The following PTPRD variants were observed in gnomAD, a reference collection of about 807,000 sequenced individuals.
PTPRD encodes the protein protein tyrosine phosphatase receptor type D.
Under a neutral mutation model 214.5 loss-of-function variants are expected in PTPRD, and 34 were observed. The ratio of observed to expected loss-of-function variants is 0.16; its 90% CI spans 0.12 to 0.21. The LOEUF (loss-of-function observed/expected upper bound fraction) is 0.21, where lower values mean the gene tolerates loss of function less well. PTPRD is among the 10% of genes least tolerant of loss of function. The pLI is 1.00. For missense variants in PTPRD, 2,545 were observed against 2,398.7 expected, an observed-to-expected ratio of 1.06 and a Z score of -1.27; for synonymous variants, 1,128 against 845.7, an observed-to-expected ratio of 1.33 and a Z score of -5.79.
intron 10 of PTPRD, among the ~76,000 whole-genome samples, chr9:9,022,945 T>C (rs985979240): frequency 2.0e-5 from 3 of 152,150 alleles, no homozygotes; most frequent in African/African-American, 7.2e-5. Flanking sequence ...GCATGACTGG[T>C]ATTTTTCAAA....
intron 5 of PTPRD, among the ~76,000 whole-genome samples, chr9:9,886,857 T>G (rs1163126577): frequency 6.6e-6 from 1 of 152,078 alleles, no homozygotes; most frequent in Non-Finnish European, 1.5e-5. Context: ...AGAGACCACA[T>G]GGGAAAGCCT....
At chr9:9,428,667 A>G (rs1448052821) in intron 8 of PTPRD, among the ~76,000 whole-genome samples, 3 of 152,222 alleles carry the variant, frequency 2.0e-5, no homozygotes, top group African/African-American at 7.2e-5. Context: ...AGCACTCCTC[A>G]GAAAATGTAA....
chr9:10,029,513 G>A (rs2097009815), intron 4 of PTPRD, among the ~76,000 whole-genome samples: 1 of 152,208 alleles, frequency 6.6e-6, no homozygotes, highest in Non-Finnish European at 1.5e-5. Flanking sequence ...ACCAGGATGT[G>A]AGACATGGAG....
intron 7 of PTPRD, among the ~76,000 whole-genome samples, chr9:9,647,497 G>T (rs2096224745): frequency 1.3e-5 from 2 of 152,122 alleles, no homozygotes; most frequent in South Asian, 2.1e-4. Flanking sequence ...AAGAATATGT[G>T]TGCTTACTTT....
intron 11 of PTPRD, among the ~76,000 whole-genome samples, chr9:8,863,129 C>G (rs1175025361): frequency 6.6e-6 from 1 of 152,200 alleles, no homozygotes; most frequent in Admixed American, 6.5e-5. Context: ...CATACCTCCT[C>G]CACTGACTGC....
At chr9:9,746,815 GT>G (rs35142513) in intron 6 of PTPRD, among the ~76,000 whole-genome samples, 11,566 of 125,144 alleles carry the variant, frequency 0.092, 400 homozygotes, top group Admixed American at 0.14. Flanking sequence ...TGCTTGAAAA[GT>G]TTTTTTTTTT....
At chr9:8,579,265 A>G (rs2092798018) in intron 14 of PTPRD, among the ~76,000 whole-genome samples, 2 of 152,232 alleles carry the variant, frequency 1.3e-5, no homozygotes, top group African/African-American at 2.4e-5. Context: ...ATAATACAAA[A>G]GCTTCTTTTC....
chr9:9,158,167 T>C (rs1592620319), intron 10 of PTPRD, among the ~76,000 whole-genome samples: 1 of 152,328 alleles, frequency 6.6e-6, no homozygotes, highest in East Asian at 1.9e-4. Context: ...TAAATAGTGC[T>C]GCAGTGAACA....
rs553367039 is a variant in PTPRD, at chr9:9,013,655, G to C, written c.-104+5042C>G. On this transcript the variant is annotated intron_variant, in intron 11 of 45. Transcript: ENST00000381196. The stretch of plus-strand genomic sequence containing the variant: ...GCAGTTAATTAACTATAATGACCAA[G>C]TGTATGGGCATTTCATTGCATACAG... 3.3e-5 allele frequency among the ~76,000 whole-genome samples: 5 copies of C among 152,200 alleles called. No individual in the cohort carries two copies. In the South Asian group the frequency reaches 1.0e-3, roughly 32 times the overall value.
At chr9:10,419,100 G>T (rs1442329164) in intron 2 of PTPRD, among the ~76,000 whole-genome samples, 1 of 151,850 alleles carries the variant, frequency 6.6e-6, no homozygotes, top group South Asian at 2.1e-4. Context: ...TTGGTCCCAC[G>T]TAGGGTCTAT....
At chr9:9,293,143 C>G (rs999750798) in intron 9 of PTPRD, among the ~76,000 whole-genome samples, 6 of 151,494 alleles carry the variant, frequency 4.0e-5, no homozygotes, top group African/African-American at 1.5e-4. Context: ...AGTGAAATAA[C>G]CACATAAATT....
chr9:8,641,630 G>C lies in PTPRD; in HGVS notation c.65-4786C>G, dbSNP rs138674591. ...CAACAGAGACATGGCCGATATTCTA[G>C]AATGTGTCTGCCAGGCTCGCTTGCC... On this transcript the variant is annotated intron_variant, in intron 12 of 45. Coordinates refer to ENST00000381196, the MANE Select transcript of PTPRD (RefSeq NM_002839.4). Among the ~76,000 whole-genome samples, 300 of 133,476 alleles carry C rather than the reference G, an allele frequency of 2.2e-3. 54 individuals are homozygous for C. Among genetic ancestry groups the C allele is most frequent in the African/African-American group, 0.012 (291 of 24,662 alleles). 87.6% of individuals were successfully genotyped at this position (133,476 alleles called of 152,430 possible). A position where few individuals can be genotyped will look rare whatever the true frequency, so the allele number is the denominator to read the frequency against.
intron 9 of PTPRD, among the ~76,000 whole-genome samples, chr9:9,229,096 C>T (rs935675689): frequency 2.6e-5 from 4 of 152,104 alleles, no homozygotes; most frequent in Non-Finnish European, 5.9e-5. Flanking sequence ...TTCCCTGTAA[C>T]ATTCATATCT....
chr9:8,891,747 A>G (rs1187058745), intron 11 of PTPRD, among the ~76,000 whole-genome samples: 1 of 152,194 alleles, frequency 6.6e-6, no homozygotes, highest in Non-Finnish European at 1.5e-5. Flanking sequence ...GAGTAAATGC[A>G]TTGAAAACAT....
At chr9:9,931,808 T>A (rs559212085) in intron 5 of PTPRD, among the ~76,000 whole-genome samples, 9 of 151,044 alleles carry the variant, frequency 6.0e-5, no homozygotes, top group African/African-American at 1.7e-4. Flanking sequence ...CAGTAACCTC[T>A]GCAGACTTAA....
At chr9:8,544,749 G>A (rs1366699269) in intron 14 of PTPRD, among the ~76,000 whole-genome samples, 1 of 151,950 alleles carries the variant, frequency 6.6e-6, no homozygotes, top group Non-Finnish European at 1.5e-5. Flanking sequence ...GGGATTACAG[G>A]CATGAGCCAC....
At chr9:8,764,661 G>C (rs1038150887) in intron 11 of PTPRD, among the ~76,000 whole-genome samples, 4 of 151,976 alleles carry the variant, frequency 2.6e-5, no homozygotes, top group African/African-American at 7.3e-5. Context: ...CGGGTATAGT[G>C]GTGCGTGCCT....
chr9:10,057,849 A>G (rs375790813), intron 3 of PTPRD, among the ~76,000 whole-genome samples: 2 of 115,364 alleles, frequency 1.7e-5, no homozygotes, highest in Non-Finnish European at 3.2e-5. Flanking sequence ...CTCAAAAAAA[A>G]ACAAAAAAAA....
At chr9:10,155,068 C>T (rs1012877044) in intron 3 of PTPRD, among the ~76,000 whole-genome samples, 1 of 151,954 alleles carries the variant, frequency 6.6e-6, no homozygotes, top group African/African-American at 2.4e-5. Context: ...TTGATTTTTC[C>T]TATCCATGAG....
Sources: allele counts gnomAD v4.1 joint callset (sites outside exome capture counted in the v4.1 genomes callset), GRCh38; gene constraint gnomAD v4.1.1; transcripts MANE v1.5; gene names NCBI Gene and HGNC (gene_info 2026-07-23, HGNC 2026-07-21).